Variants in C3 observed in about 807,000 individuals in gnomAD.
C3 encodes C3 and PZP-like alpha-2-macroglobulin domain-containing protein 1.
In C3, 97 loss-of-function variants were observed where a neutral mutation model predicts 207.9. That is an observed-to-expected ratio of 0.47 (90% CI 0.40 to 0.55). The LOEUF is 0.55. C3 is among the 20% of genes least tolerant of loss of function. C3 has a pLI of 0.00. For synonymous variants in C3, 848 were observed against 857.6 expected, an observed-to-expected ratio of 0.99 and a Z score of 0.20; for missense variants, 1,684 against 2,171.7, an observed-to-expected ratio of 0.78 and a Z score of 4.46.
rs372536578 is a variant in C3 at position 6,693,395 on chromosome 19, T to C, written c.3230+17A>G. On this transcript the variant is annotated intron_variant, in intron 25 of 40. Coordinates refer to ENST00000245907, the MANE Select transcript of C3 (RefSeq NM_000064.4). ...GGTGGGGAGTATGCATGGCCTGAGC[T>C]GGCTGTTGGGACTCACCAGGTGCTG... The C allele has an allele frequency of 1.2e-6, 2 of 1,604,434 alleles. No individual in the cohort carries two copies. The highest frequency in any genetic ancestry group is 1.7e-4 in the Middle Eastern group (1 of 5,966).
chr19:6,708,835 C>T (rs868664705), intron 14 of C3, among the ~76,000 whole-genome samples: 6 of 151,680 alleles, frequency 4.0e-5, no homozygotes, highest in East Asian at 2.0e-4. Context: ...TACAGGCATG[C>T]GCCATCATGC....
At chr19:6,688,544 G>C (rs1918071680) in intron 27 of C3, among the ~76,000 whole-genome samples, 1 of 149,650 alleles carries the variant, frequency 6.7e-6, no homozygotes. Context: ...TTTTGAAAAG[G>C]AGTCTTGCTG....
chr19:6,699,687 A>G (rs1967605318), intron 19 of C3, among the ~76,000 whole-genome samples: 2 of 152,078 alleles, frequency 1.3e-5, no homozygotes, highest in Admixed American at 6.6e-5. Flanking sequence ...CCTAAATGAG[A>G]TGCACTGAAT....
rs1131691494 is a variant in C3, at chr19:6,685,098, G to A, written c.3859C>T (p.Pro1287Ser). ...QALAQYQKDA[P>S]DHQELNLDVS... ...TCAAGGTTCAGTTCCTGGTGGTCAG[G>A]GGCGTCCTTTTGGTATTGAGCCAAG... Residue 1287 changes from proline to serine, a missense_variant, in exon 30 of 41, where the codon CCT (proline) becomes TCT (serine). By Grantham distance (74) the Pro-to-Ser change is moderately conservative. Around this residue, in one of 3 missense-constraint regions of C3, gnomAD observed 1,280 missense variants for 1,739.1 expected, o/e 0.74. Coordinates refer to ENST00000245907, the MANE Select transcript of C3 (RefSeq NM_000064.4). The A allele has an allele frequency of 6.2e-7, 1 of 1,614,078 alleles. No individual in the cohort carries two copies. Among genetic ancestry groups the A allele is most frequent in the Non-Finnish European group, 8.5e-7 (1 of 1,179,990 alleles).
At chr19:6,711,552 C>T (rs1360582878) in intron 11 of C3, among the ~76,000 whole-genome samples, 2 of 152,144 alleles carry the variant, frequency 1.3e-5, no homozygotes, top group African/African-American at 4.8e-5. Context: ...TCCCCCAGAG[C>T]CAGGACTTCT....
intron 27 of C3, among the ~76,000 whole-genome samples, chr19:6,689,330 TCCCTCCCTCC>T (rs1918099082): frequency 2.8e-4 from 12 of 42,910 alleles, no homozygotes; most frequent in African/African-American, 1.3e-3. Flanking sequence ...TCTACCTACC[TCCCTCCCTCC>T]CTCCCTCCCT....
At position 6,684,665 on chromosome 19, in the gene C3, G is replaced by A; in HGVS notation, c.4030-15C>T. 6.2e-7 allele frequency: 1 copy of A among 1,608,986 alleles called. No individual in the cohort carries two copies. The highest frequency in any genetic ancestry group is 8.5e-7 in the Non-Finnish European group (1 of 1,175,308). ...ATTGTCACCACCTGGTAAGATGGGA[G>A]AGGAGACACAATGTCAGCCCACAGG... On this transcript the variant is annotated splice_polypyrimidine_tract_variant and intron_variant, in intron 31 of 40. Transcript: ENST00000245907.
chr19:6,710,271 A>G, intron 13 of C3, among the ~76,000 whole-genome samples: 1 of 112,466 alleles, frequency 8.9e-6, no homozygotes, highest in Non-Finnish European at 1.8e-5. Flanking sequence ...AGGGAGAGGG[A>G]AAGAGAGAGG....
At chr19:6,688,433 A>G (rs1918068722) in intron 27 of C3, among the ~76,000 whole-genome samples, 1 of 152,056 alleles carries the variant, frequency 6.6e-6, no homozygotes, top group African/African-American at 2.4e-5. Context: ...CTGGCCTAAT[A>G]TTTAGTTTTT....
intron 26 of C3, 51 bp from the exon 27 acceptor site, chr19:6,690,778 T>C (rs1472337055): frequency 1.8e-5 from 25 of 1,394,608 alleles, no homozygotes; most frequent in Non-Finnish European, 2.5e-5. Context: ...TGTCCACACA[T>C]GGCAGTCATC....
At chr19:6,712,229 G>A in intron 11 of C3, 28 bp downstream of exon 11, 1 of 1,612,656 alleles carries the variant, frequency 6.2e-7, no homozygotes, top group South Asian at 1.1e-5. Context: ...TCCCAGTGAT[G>A]GGGTTCCGAG....
rs1917959305 is a variant in C3 at position 6,684,848 on chromosome 19, A to G, written c.3970-14T>C. On this transcript the variant is annotated splice_polypyrimidine_tract_variant and intron_variant, in intron 30 of 40. Coordinates refer to ENST00000245907, the MANE Select transcript of C3 (RefSeq NM_000064.4). ...ATTTTCCTTGGTCTGCAGAGTGAAA[A>G]GAGAGAAGAGAGCATGTTGGGAATT... 5 of 1,613,908 alleles carry G rather than the reference A, an allele frequency of 3.1e-6. No individual in the cohort carries two copies. The highest frequency in any genetic ancestry group is 2.7e-5 in the African/African-American group (2 of 74,900).
chr19:6,716,227 A>C (rs563585460), intron 4 of C3, among the ~76,000 whole-genome samples: 1 of 151,388 alleles, frequency 6.6e-6, no homozygotes, highest in Non-Finnish European at 1.5e-5. Flanking sequence ...ATTTGCCCCA[A>C]TTATTTTTTG....
rs777836973 is a variant in C3, at chr19:6,707,899, C to T, written c.1876G>A (p.Gly626Ser). Residue 626 changes from glycine (G) to serine (S), a missense_variant, in exon 15 of 41, where the codon GGC becomes AGC. Around this residue, in one of 3 missense-constraint regions of C3, gnomAD observed 1,280 missense variants for 1,739.1 expected, o/e 0.74. Transcript: ENST00000245907. ...TCCTTCCCACTGCCCGGGGTGCAGC[C>T]GATGTCTGCCTTCTCCACCACGTCC... ...IWDVVEKADI[G>S]CTPGSGKDYA... The T allele has an allele frequency of 1.9e-6, 3 of 1,613,944 alleles. No homozygotes were observed. Among genetic ancestry groups the T allele is most frequent in the South Asian group, 1.1e-5 (1 of 91,078 alleles).
In C3 at chr19:6,697,642, C is replaced by T. The variant is rs200657972; in HGVS notation, c.2583+10G>A. ...AGCCTCCAAGAAGCCTCTGCCACCC[C>T]GGGACCCACCTTGAGCTCTTGGTTC... On this transcript the variant is annotated intron_variant, in intron 20 of 40. Transcript: ENST00000245907. 9.9e-6 allele frequency: 16 copies of T among 1,614,008 alleles called. No homozygotes were observed. The East Asian group carries it at 1.3e-4, about 13-fold the overall frequency.
chr19:6,708,672 C>T lies in C3; in HGVS notation c.1846-743G>A, dbSNP rs1010693458. ...GTTTCTCTCTCTCTTCTTTTTTTTT[C>T]CTCCTTTCTTTCCATTCTTTTTTTT... On this transcript the variant is annotated intron_variant, in intron 14 of 40. Transcript: ENST00000245907. 1.6e-4 allele frequency among the ~76,000 whole-genome samples: 22 copies of T among 141,380 alleles called. 3 individuals carry two copies. Among genetic ancestry groups the T allele is most frequent in the Admixed American group, 8.9e-4 (12 of 13,482 alleles). 92.8% of individuals were successfully genotyped at this position (141,380 alleles called of 152,430 possible). A position where few individuals can be genotyped will look rare whatever the true frequency, so the allele number is the denominator to read the frequency against.
At chr19:6,706,861 C>T (rs1967787357) in intron 17 of C3, among the ~76,000 whole-genome samples, 1 of 141,754 alleles carries the variant, frequency 7.1e-6, no homozygotes, top group Non-Finnish European at 1.5e-5. Flanking sequence ...GACCTCCTCC[C>T]TCCTCAGACG....
At chr19:6,708,018 A>G (rs908392760) in intron 14 of C3, 89 bp from the exon 15 acceptor site, 9 of 1,513,666 alleles carry the variant, frequency 5.9e-6, no homozygotes, top group African/African-American at 2.7e-5. Flanking sequence ...CTCTTCCCAA[A>G]TGACCCCACC....
chr19:6,693,183 G>A, intron 25 of C3, 100 bp from the exon 26 acceptor site: 1 of 1,371,978 alleles, frequency 7.3e-7, no homozygotes, highest in Non-Finnish European at 1.0e-6. Context: ...GCCTGGCCCA[G>A]TTTGCCTGGT....
Sources: gnomAD v4.1 joint callset for allele counts (sites outside exome capture counted in the v4.1 genomes callset) on GRCh38, gnomAD v4.1.1 for gene constraint, gnomAD v4.1.1 regional missense constraint, MANE v1.5 for transcripts, NCBI Gene and HGNC (gene_info 2026-07-23, HGNC 2026-07-21) for gene names.